The following ANKFY1 variants were observed in gnomAD, a reference collection of about 807,000 sequenced individuals.
ANKFY1 encodes the protein ankyrin repeat and FYVE domain-containing protein 1.
ANKFY1 carries 47 observed loss-of-function variants against 128.3 expected under a neutral mutation model. The ratio of observed to expected loss-of-function variants is 0.37; its 90% confidence interval spans 0.29 to 0.47. ANKFY1 has a LOEUF of 0.47. Among genes scored for constraint, ANKFY1 ranks in the 20% least tolerant of loss-of-function variants. ANKFY1 has a pLI of 1.00. For synonymous variants in ANKFY1, 553 were observed against 601.6 expected (o/e 0.92, Z 1.18); for missense variants, 1,222 against 1,510.6 (o/e 0.81, Z 3.17).
intron 5 of ANKFY1, 45 bp downstream of exon 5, chr17:4,209,779 G>A: frequency 6.4e-7 from 1 of 1,565,768 alleles, no homozygotes; most frequent in East Asian, 2.3e-5. Context: ...GCGGTCTCCT[G>A]ACTGCCAGCT....
intron 7 of ANKFY1, among the ~76,000 whole-genome samples, chr17:4,202,718 A>AAAAAG (rs1555629813): frequency 5.8e-5 from 7 of 120,660 alleles, no homozygotes; most frequent in South Asian, 2.9e-4. Flanking sequence ...AAAAAAAAAA[A>AAAAAG]AGAGAGATAA....
chr17:4,244,576 A>T (rs1257980000), intron 1 of ANKFY1, among the ~76,000 whole-genome samples: 7 of 151,956 alleles, frequency 4.6e-5, no homozygotes, highest in African/African-American at 1.7e-4. Flanking sequence ...AGACATTCCA[A>T]ATCTTGACAC....
rs550374117 is a variant in ANKFY1, at chr17:4,256,323, G to A, written c.10+7609C>T. On this transcript the variant is annotated intron_variant, in intron 1 of 24. Transcript: ENST00000341657. ...GGCGCCTGTAGTCCCAGCTACTCAG[G>A]AGGCGGAGGCAGGAGAACGGCGTGA... Among the ~76,000 whole-genome samples the A allele has an allele frequency of 9.1e-4, 138 of 152,228 alleles. 1 individual carries two copies. The highest frequency in any genetic ancestry group is 3.3e-3 in the African/African-American group (137 of 41,580).
rs765930336 is a variant in ANKFY1, at chr17:4,183,792, C to T, written c.1798+20G>A. 7.5e-6 allele frequency: 12 copies of T among 1,593,108 alleles called. No homozygotes were observed. Among genetic ancestry groups the T allele is most frequent in the East Asian group, 2.2e-5 (1 of 44,784 alleles). On this transcript the variant is annotated intron_variant, in intron 13 of 24. Coordinates refer to ENST00000341657, the MANE Select transcript of ANKFY1 (RefSeq NM_001330063.2). The stretch of plus-strand genomic sequence containing the variant: ...ACAGCTGTCTGTCTGCAGACATCAG[C>T]GGCCCCGGCACAGCCTTACCAGTCC...
chr17:4,216,837 G>A, intron 4 of ANKFY1, 146 bp downstream of exon 4: 1 of 1,108,510 alleles, frequency 9.0e-7, no homozygotes, highest in Non-Finnish European at 1.3e-6. Flanking sequence ...AGCAAGGGAG[G>A]TAACATCTGT....
intron 1 of ANKFY1, among the ~76,000 whole-genome samples, chr17:4,252,405 A>G (rs1465834058): frequency 6.6e-6 from 1 of 152,150 alleles, no homozygotes; most frequent in Admixed American, 6.5e-5. Flanking sequence ...CGTCTCCACA[A>G]AAAAATTTTA....
At chr17:4,258,303 A>C (rs1598160926) in intron 1 of ANKFY1, among the ~76,000 whole-genome samples, 1 of 152,148 alleles carries the variant, frequency 6.6e-6, no homozygotes, top group African/African-American at 2.4e-5. Flanking sequence ...AGGCGGGCGG[A>C]TCACGAGGTC....
Position 4,167,779 on chromosome 17 carries a change from C to T in ANKFY1, c.3510G>A (p.Ter1170=), listed in dbSNP as rs556607599. 3 of 1,612,870 alleles carry T rather than the reference C, an allele frequency of 1.9e-6. No individual in the cohort carries two copies. The highest frequency in any genetic ancestry group is 1.1e-5 in the South Asian group (1 of 90,974). Residue 1170 remains the stop codon, a stop_retained_variant, in exon 25 of 25, where the codon TAG becomes TAA. Transcript: ENST00000341657. This position sits in a 1 kb window ranked among gnomAD's most constrained non-coding sequence, Gnocchi z 4.1. Reference sequence around the variant, plus strand: ...TGGCCTGGACCCTCCGGGGGGCTCACTAAGAAACCCCACCCAGAGTCAGTA... The same window carrying T: ...TGGCCTGGACCCTCCGGGGGGCTCATTAAGAAACCCCACCCAGAGTCAGTA... The part of the protein sequence containing the change: ...FDVLTLGGVS[*]
chr17:4,179,274 G>A, intron 17 of ANKFY1: 6 of 597,438 alleles, frequency 1.0e-5, no homozygotes, highest in South Asian at 2.0e-5. Context: ...CGTAGGACCA[G>A]CACAAACATG....
In ANKFY1 at chr17:4,170,472, G is replaced by T. The variant is rs143561954; in HGVS notation, c.3286+243C>A. Among the ~76,000 whole-genome samples the T allele has an allele frequency of 2.6e-5, 4 of 152,298 alleles. No individual in the cohort carries two copies. In the East Asian group the frequency reaches 7.7e-4, roughly 29 times the overall value. ...CCTGCCTGGAGCTTTGGCATTTCTA[G>T]AAGGTTGTGGGGTGTGGGAAATGCA... is the stretch of plus-strand genomic sequence containing the variant. On this transcript the variant is annotated intron_variant, in intron 23 of 24. Transcript: ENST00000341657.
chr17:4,178,871 C>T lies in ANKFY1; in HGVS notation c.2584G>A (p.Gly862Arg), dbSNP rs200734276. 2.4e-5 allele frequency: 39 copies of T among 1,614,086 alleles called. No individual in the cohort carries two copies. The African/African-American group carries it at 4.0e-4, about 17-fold the overall frequency. Reference sequence around the variant, plus strand: ...TATTCACTCACCTGCTCAGCAGCCCCGGACTCTCGTTTGAGAATGGCCTCG... The same window carrying T: ...TATTCACTCACCTGCTCAGCAGCCCTGGACTCTCGTTTGAGAATGGCCTCG... The part of the protein sequence containing the change: ...SAEAILKRES[G>R]AAEQVDNKGR... The change falls in exon 18 of 25, where the codon GGG becomes AGG. Residue 862 changes from glycine (G) to arginine (R), a missense_variant. Transcript: ENST00000341657. The surrounding 1 kb of genome is among the most constrained non-coding windows in gnomAD (Gnocchi z 4.1).
intron 3 of ANKFY1, among the ~76,000 whole-genome samples, chr17:4,234,938 G>A (rs1044871957): frequency 6.6e-6 from 1 of 152,168 alleles, no homozygotes; most frequent in African/African-American, 2.4e-5. Flanking sequence ...ATCTCACATA[G>A]TAACCCAAAC....
Position 4,182,347 on chromosome 17 carries a change from G to C in ANKFY1, c.1955C>G (p.Thr652Ser). Reference sequence around the variant, plus strand: ...CTGGAGGGCTGTCTCCCCGTCCTGAGTCCTGCTAGGACATGCACACCCAAA... The same window carrying C: ...CTGGAGGGCTGTCTCCCCGTCCTGACTCCTGCTAGGACATGCACACCCAAA... ...LEHQADINVRTQDGETALQLA... is the reference protein window; with the variant it reads ...LEHQADINVRSQDGETALQLA... Residue 652 changes from threonine (T) to serine (S), a missense_variant and splice_region_variant, in exon 15 of 25, where the codon ACT becomes AGT. Physicochemically the swap from Thr to Ser is moderately conservative, Grantham distance 58. Transcript: ENST00000341657. 6.4e-7 allele frequency: 1 copy of C among 1,565,940 alleles called. No homozygotes were observed. Among genetic ancestry groups the C allele is most frequent in the Non-Finnish European group, 8.7e-7 (1 of 1,151,992 alleles).
chr17:4,210,848 A>T (rs556119632), intron 4 of ANKFY1, among the ~76,000 whole-genome samples: 1 of 151,604 alleles, frequency 6.6e-6, no homozygotes, highest in South Asian at 2.1e-4. Context: ...CCTTACCAAC[A>T]AGGTGAAACC....
intron 3 of ANKFY1, among the ~76,000 whole-genome samples, chr17:4,232,566 C>T (rs190541371): frequency 1.3e-5 from 2 of 152,342 alleles, no homozygotes; most frequent in East Asian, 1.9e-4. Context: ...AAGCGGATCA[C>T]TCCTGAAAGC....
At position 4,167,787 on chromosome 17, in the gene ANKFY1, C is replaced by T. The variant is rs749141442; in HGVS notation, c.3502G>A (p.Val1168Ile). 1.2e-6 allele frequency: 2 copies of T among 1,613,114 alleles called. No individual in the cohort carries two copies. The highest frequency in any genetic ancestry group is 2.2e-5 in the East Asian group (1 of 44,872). Residue 1168 changes from valine to isoleucine, a missense_variant, in exon 25 of 25, where the codon GTT (valine) becomes ATT (isoleucine). Transcript: ENST00000341657. The surrounding 1 kb of genome is among the most constrained non-coding windows in gnomAD (Gnocchi z 4.1). ...ICFDVLTLGG[V>I]S ...ACCCTCCGGGGGGCTCACTAAGAAA[C>T]CCCACCCAGAGTCAGTACATCAAAA...
intron 7 of ANKFY1, among the ~76,000 whole-genome samples, chr17:4,204,785 C>T (rs772669832): frequency 1.2e-4 from 18 of 152,060 alleles, no homozygotes; most frequent in South Asian, 2.1e-4. Flanking sequence ...TCATTCCCTA[C>T]GTGGTGGAGA....
At chr17:4,263,695 G>A (rs979789763) in intron 1 of ANKFY1, 1 of 1,513,932 alleles carries the variant, frequency 6.6e-7, no homozygotes. Context: ...TGCCAGCCCG[G>A]CTCCGCAGCC....
At chr17:4,211,351 GGTGCCA>G (rs2060126911) in intron 4 of ANKFY1, among the ~76,000 whole-genome samples, 1 of 150,908 alleles carries the variant, frequency 6.6e-6, no homozygotes, top group African/African-American at 2.4e-5. Flanking sequence ...GAGCTGAGAC[GGTGCCA>G]CTGCACTCAA....
Sources: gnomAD v4.1 joint callset for allele counts (sites outside exome capture counted in the v4.1 genomes callset) on GRCh38, gnomAD v4.1.1 for gene constraint, Gnocchi (gnomAD v3.1) non-coding constraint, MANE v1.5 for transcripts, NCBI Gene and HGNC (gene_info 2026-07-23, HGNC 2026-07-21) for gene names.